The following TP63 variants were observed in gnomAD, a reference collection of about 807,000 sequenced individuals.
TP63 encodes the protein tumor protein p63, also known as tumor protein 63.
A neutral mutation model predicts 82.8 loss-of-function variants in TP63; 17 were observed. The ratio of observed to expected loss-of-function variants is 0.21; its 90% CI spans 0.14 to 0.31. TP63 has a LOEUF of 0.31. TP63 is among the 10% of genes least tolerant of loss of function. The probability of loss-of-function intolerance (pLI) is 1.00; values close to 1 mark genes in which losing one functional copy is unlikely to be tolerated. For synonymous variants in TP63, 330 were observed against 321.7 expected (o/e 1.03, Z -0.28); for missense variants, 648 against 895.3 (o/e 0.72, Z 3.52).
At chr3:189,866,136 G>A (rs1019032380) in intron 5 of TP63, among the ~76,000 whole-genome samples, 1 of 151,916 alleles carries the variant, frequency 6.6e-6, no homozygotes, top group African/African-American at 2.4e-5. Flanking sequence ...CACCCAACTT[G>A]GGACTCCTTC....
At chr3:189,614,315 C>T in the TP63 span, among the ~76,000 whole-genome samples, 1 of 152,136 alleles carries the variant, frequency 6.6e-6, no homozygotes, top group Admixed American at 6.5e-5. Flanking sequence ...TTGCTTCTTC[C>T]TCATTTTTCT....
intron 1 of TP63, among the ~76,000 whole-genome samples, chr3:189,687,659 G>C (rs1716558182): frequency 6.6e-6 from 1 of 152,142 alleles, no homozygotes; most frequent in Non-Finnish European, 1.5e-5. Context: ...GCCACTAGAG[G>C]GAAATATCAA....
intron 3 of TP63, among the ~76,000 whole-genome samples, chr3:189,781,413 C>T (rs1724223716): frequency 6.6e-6 from 1 of 152,060 alleles, no homozygotes; most frequent in Non-Finnish European, 1.5e-5. Context: ...TGTGACTTCT[C>T]CTATTTTCTA....
chr3:189,787,027 T>A (rs1724658202), intron 3 of TP63, among the ~76,000 whole-genome samples: 1 of 152,078 alleles, frequency 6.6e-6, no homozygotes, highest in South Asian at 2.1e-4. Context: ...TTATCAGGTA[T>A]ACTTTAATTA....
chr3:189,888,355 G>T (rs1485233575), intron 11 of TP63, among the ~76,000 whole-genome samples: 4 of 152,102 alleles, frequency 2.6e-5, no homozygotes, highest in African/African-American at 9.7e-5. Context: ...TTTATTTCTT[G>T]TGACATCTTA....
At position 189,894,579 on chromosome 3, in the gene TP63, C is replaced by T. The variant is rs140051057; in HGVS notation, c.*77C>T. On this transcript the variant is annotated 3_prime_UTR_variant, in exon 14 of 14. Transcript: ENST00000264731. ...AAGCACTCCTGCTTAATCTTCAAAGCCTTCTCCCTAGCTCCTCCCCTTCCT... is the reference window on the plus strand; with the variant it reads ...AAGCACTCCTGCTTAATCTTCAAAGTCTTCTCCCTAGCTCCTCCCCTTCCT... 3.4e-4 allele frequency: 521 copies of T among 1,544,372 alleles called. 3 individuals are homozygous for T. The African/African-American group carries it at 6.5e-3, about 19-fold the overall frequency.
chr3:189,759,586 G>A (rs1235018048), intron 3 of TP63, among the ~76,000 whole-genome samples: 2 of 152,126 alleles, frequency 1.3e-5, no homozygotes, highest in Non-Finnish European at 2.9e-5. Context: ...AGTATGATCT[G>A]GAAAAATGGG....
rs145526532 is a variant in TP63, at chr3:189,680,153, A to G, written c.62+48576A>G. Among the ~76,000 whole-genome samples the G allele has an allele frequency of 9.0e-3, 1,366 of 152,170 alleles. 10 individuals carry two copies. Among genetic ancestry groups the G allele is most frequent in the Non-Finnish European group, 0.011 (781 of 67,966 alleles). On this transcript the variant is annotated intron_variant, in intron 1 of 13. Transcript: ENST00000264731. ...TGAAAACTGCCATTGGAATTCTGGT[A>G]GGGATTGCATTAAATCTGTAGATAT...
chr3:189,793,692 A>T (rs962605505), intron 3 of TP63, among the ~76,000 whole-genome samples: 5 of 152,120 alleles, frequency 3.3e-5, no homozygotes, highest in Non-Finnish European at 5.9e-5. Flanking sequence ...GAATATTTTT[A>T]AATTTCTAAT....
chr3:189,869,283 G>A, intron 8 of TP63, 41 bp from the exon 9 acceptor site: 2 of 1,503,448 alleles, frequency 1.3e-6, no homozygotes, highest in Non-Finnish European at 1.9e-6. Context: ...TAGTGCTTTA[G>A]AAGTGTTCCC....
intron 3 of TP63, among the ~76,000 whole-genome samples, chr3:189,801,743 A>G (rs1228668809): frequency 2.0e-5 from 3 of 152,222 alleles, no homozygotes; most frequent in Non-Finnish European, 4.4e-5. Flanking sequence ...TTGGCACTCA[A>G]AGGAATCTTG....
At chr3:189,824,847 A>T (rs897695130) in intron 4 of TP63, among the ~76,000 whole-genome samples, 1 of 152,080 alleles carries the variant, frequency 6.6e-6, no homozygotes, top group Non-Finnish European at 1.5e-5. Context: ...AAAAAAAAAA[A>T]AAAAGACATG....
intron 13 of TP63, 65 bp downstream of exon 13, chr3:189,890,947 C>T: frequency 6.7e-7 from 1 of 1,496,486 alleles, no homozygotes; most frequent in Non-Finnish European, 9.2e-7. Flanking sequence ...TGACAACCGC[C>T]TTGTAGTTCA....
At chr3:189,843,261 C>T (rs1022109661) in intron 4 of TP63, among the ~76,000 whole-genome samples, 4 of 151,492 alleles carry the variant, frequency 2.6e-5, no homozygotes, top group Admixed American at 6.6e-5. Context: ...TAAGTGTCGC[C>T]CCACTCCCAC....
At chr3:189,760,437 A>G (rs769632608) in intron 3 of TP63, among the ~76,000 whole-genome samples, 8 of 152,230 alleles carry the variant, frequency 5.3e-5, no homozygotes, top group Admixed American at 2.0e-4. Context: ...TGTAAGTCCA[A>G]AATCCAGTGG....
chr3:189,693,865 G>A (rs184840568), intron 1 of TP63, among the ~76,000 whole-genome samples: 1 of 152,244 alleles, frequency 6.6e-6, no homozygotes, highest in Admixed American at 6.5e-5. Flanking sequence ...ACCTCACAAG[G>A]TCGTTGTGAA....
chr3:189,731,870 T>C (rs1162643807), intron 1 of TP63, among the ~76,000 whole-genome samples: 2 of 152,210 alleles, frequency 1.3e-5, no homozygotes, highest in Non-Finnish European at 2.9e-5. Flanking sequence ...ACTTGGAAGA[T>C]AGGTAGGATT....
chr3:189,888,934 C>A (rs1280190020), intron 11 of TP63, among the ~76,000 whole-genome samples: 1 of 152,198 alleles, frequency 6.6e-6, no homozygotes, highest in Non-Finnish European at 1.5e-5. Context: ...CTGTGCCAGG[C>A]ACTGTGCTAG....
At chr3:189,642,447 A>G (rs1459176058) in intron 1 of TP63, among the ~76,000 whole-genome samples, 1 of 152,162 alleles carries the variant, frequency 6.6e-6, no homozygotes, top group East Asian at 1.9e-4. Flanking sequence ...AACAGACAAT[A>G]GTATAACGTT....
Sources: allele counts gnomAD v4.1 joint callset (sites outside exome capture counted in the v4.1 genomes callset), GRCh38; gene constraint gnomAD v4.1.1; transcripts MANE v1.5; gene names NCBI Gene and HGNC (gene_info 2026-07-23, HGNC 2026-07-21).